The following ARMC9 variants were observed in gnomAD, a reference collection of about 807,000 sequenced individuals.
ARMC9 encodes the protein armadillo repeat containing 9, also known as lisH domain-containing protein ARMC9.
In ARMC9, 94 loss-of-function variants were observed where a neutral mutation model predicts 107.0. The observed-to-expected ratio is 0.88, with a 90% confidence interval of 0.74 to 1.04. ARMC9 has a LOEUF of 1.04. Among genes scored for constraint, ARMC9 ranks in the 50% least tolerant of loss-of-function variants. The pLI, the probability that ARMC9 is intolerant of heterozygous loss-of-function variation, is 0.00. For synonymous variants in ARMC9, 380 were observed against 396.9 expected (o/e 0.96, Z 0.51); for missense variants, 942 against 1,030.1 (o/e 0.91, Z 1.17).
Position 231,208,358 on chromosome 2 carries a change from CAG to C in ARMC9, c.177+109_177+110del, listed in dbSNP as rs1559287383. 28 of 869,206 alleles carry C rather than the reference CAG, an allele frequency of 3.2e-5. No individual in the cohort carries two copies. In the South Asian group the frequency reaches 4.0e-4, roughly 12 times the overall value. The allele number at this position is 869,206 out of a possible 1,614,324, so 53.8% of individuals were successfully genotyped here. On this transcript the variant is annotated intron_variant, in intron 3 of 24. Transcript: ENST00000611582. ...CTAGAATAGTTTTTGAGCACTTGCT[CAG>C]AGTTACTTTAGATGGCACAAGTGTT...
chr2:231,214,214 C>G (rs2033232788), intron 3 of ARMC9, among the ~76,000 whole-genome samples: 1 of 152,244 alleles, frequency 6.6e-6, no homozygotes, highest in Non-Finnish European at 1.5e-5. Flanking sequence ...CCTTCTCTGT[C>G]GCTGCAGCTG....
chr2:231,355,964 T>C lies in ARMC9; in HGVS notation c.2131+30T>C, dbSNP rs142428547. On this transcript the variant is annotated intron_variant, in intron 22 of 24. Coordinates refer to ENST00000611582, the MANE Select transcript of ARMC9 (RefSeq NM_001352754.2). ...GAATGTGGGCAGCACACTGGGTCAG[T>C]TCTGGGATTGTGATGTCTAGAACCT... 1,074 of 1,524,996 alleles carry C rather than the reference T, an allele frequency of 7.0e-4. 16 individuals carry two copies. The East Asian group carries it at 0.017, about 25-fold the overall frequency. 94.5% of individuals were successfully genotyped at this position (1,524,996 alleles called of 1,614,324 possible). A position where few individuals can be genotyped will look rare whatever the true frequency, so the allele number is the denominator to read the frequency against.
intron 19 of ARMC9, among the ~76,000 whole-genome samples, chr2:231,313,501 A>G (rs1013586202): frequency 3.3e-5 from 5 of 152,222 alleles, no homozygotes; most frequent in African/African-American, 1.2e-4. Flanking sequence ...ATACCATAAA[A>G]TTCATCTGTT....
intron 19 of ARMC9, among the ~76,000 whole-genome samples, chr2:231,320,717 T>C (rs1376470298): frequency 6.6e-6 from 1 of 152,172 alleles, no homozygotes; most frequent in Non-Finnish European, 1.5e-5. Context: ...TCTTAATCCC[T>C]GGTAGGCATC....
chr2:231,270,527 G>A (rs564891883), intron 12 of ARMC9: 59 of 432,618 alleles, frequency 1.4e-4, no homozygotes, highest in South Asian at 1.0e-3. Flanking sequence ...CTCTTGCCAT[G>A]CTGCAGTCCC....
Position 231,271,075 on chromosome 2 carries a change from G to A in ARMC9, c.1210+3G>A. The A allele has an allele frequency of 6.2e-7, 1 of 1,613,812 alleles. No homozygotes were observed. The highest frequency in any genetic ancestry group is 8.5e-7 in the Non-Finnish European group (1 of 1,179,804). On this transcript the variant is annotated splice_donor_region_variant and intron_variant, in intron 13 of 24. Coordinates refer to ENST00000611582, the MANE Select transcript of ARMC9 (RefSeq NM_001352754.2). ...TGCTTTTGCGTCACTGGCAGAAGGT[G>A]AGACATCAGCTTTGCTTCAAAGATA... is the stretch of plus-strand genomic sequence containing the variant.
intron 19 of ARMC9, among the ~76,000 whole-genome samples, chr2:231,311,237 G>A (rs1167156913): frequency 6.6e-6 from 1 of 152,166 alleles, no homozygotes; most frequent in Admixed American, 6.5e-5. Context: ...TTTGCAGCCG[G>A]CTGTGTGCTA....
At chr2:231,355,390 C>T (rs1575171690) in intron 21 of ARMC9, among the ~76,000 whole-genome samples, 1 of 152,166 alleles carries the variant, frequency 6.6e-6, no homozygotes, top group East Asian at 1.9e-4. Context: ...CAACACTTGC[C>T]ACGGCTGACA....
chr2:231,334,201 G>A (rs993849651), intron 20 of ARMC9, among the ~76,000 whole-genome samples: 2 of 152,228 alleles, frequency 1.3e-5, no homozygotes, highest in Non-Finnish European at 2.9e-5. Flanking sequence ...GTACAATTTG[G>A]TATTTCCCGT....
chr2:231,260,783 G>A (rs142525510), intron 11 of ARMC9, among the ~76,000 whole-genome samples: 119 of 152,278 alleles, frequency 7.8e-4, no homozygotes, highest in African/African-American at 2.7e-3. Flanking sequence ...CTCTCAGTCC[G>A]TGCTACTCCT....
chr2:231,233,830 C>CGAAA (rs1196820074), intron 7 of ARMC9, among the ~76,000 whole-genome samples: 3 of 152,040 alleles, frequency 2.0e-5, no homozygotes, highest in African/African-American at 7.2e-5. Context: ...AAGTCTTTCA[C>CGAAA]CCCTTTCCAT....
At chr2:231,351,742 A>C (rs1175181437) in intron 21 of ARMC9, among the ~76,000 whole-genome samples, 1 of 152,108 alleles carries the variant, frequency 6.6e-6, no homozygotes, top group African/African-American at 2.4e-5. Flanking sequence ...TTATATAGCC[A>C]TGCTGCCATT....
intron 19 of ARMC9, among the ~76,000 whole-genome samples, chr2:231,325,446 T>C (rs1297780279): frequency 6.6e-6 from 1 of 152,168 alleles, no homozygotes; most frequent in Non-Finnish European, 1.5e-5. Context: ...ACATTTATTT[T>C]GTTTCTTAAT....
chr2:231,229,693 A>C (rs1305770693), intron 7 of ARMC9, among the ~76,000 whole-genome samples: 1 of 152,224 alleles, frequency 6.6e-6, no homozygotes, highest in Non-Finnish European at 1.5e-5. Context: ...TTCTTCATCC[A>C]GTATCTGTGG....
At chr2:231,345,284 A>G (rs1490976813) in intron 21 of ARMC9, 194 bp downstream of exon 21, 2 of 1,068,870 alleles carry the variant, frequency 1.9e-6, no homozygotes, top group East Asian at 3.4e-5. Flanking sequence ...TTTATTCCAG[A>G]AGGAGAAGTG....
chr2:231,309,454 A>G (rs2042214265), intron 19 of ARMC9, among the ~76,000 whole-genome samples: 1 of 152,254 alleles, frequency 6.6e-6, no homozygotes, highest in Middle Eastern at 3.4e-3. Flanking sequence ...CTAGTTTTTC[A>G]TTATTTGATA....
At chr2:231,356,216 C>T (rs1253224712) in intron 22 of ARMC9, among the ~76,000 whole-genome samples, 1 of 152,138 alleles carries the variant, frequency 6.6e-6, no homozygotes, top group Non-Finnish European at 1.5e-5. Context: ...TGTGAAATTT[C>T]GGAGGAGGAA....
chr2:231,277,238 T>A (rs1213904895), intron 15 of ARMC9, among the ~76,000 whole-genome samples: 2 of 152,166 alleles, frequency 1.3e-5, no homozygotes, highest in Non-Finnish European at 2.9e-5. Flanking sequence ...TTTATATACT[T>A]GATCAGTCAT....
At chr2:231,225,994 T>G (rs2034608551) in intron 6 of ARMC9, among the ~76,000 whole-genome samples, 1 of 152,112 alleles carries the variant, frequency 6.6e-6, no homozygotes, top group African/African-American at 2.4e-5. Flanking sequence ...GTAACTGGGA[T>G]TACAGGCACC....
Sources: gnomAD v4.1 joint callset for allele counts (sites outside exome capture counted in the v4.1 genomes callset) on GRCh38, gnomAD v4.1.1 for gene constraint, MANE v1.5 for transcripts, NCBI Gene and HGNC (gene_info 2026-07-23, HGNC 2026-07-21) for gene names.